DLG2: variants seen among roughly 807,000 people sequenced by gnomAD.
DLG2 encodes the protein discs large MAGUK scaffold protein 2, also known as disks large homolog 2.
DLG2 carries 45 observed loss-of-function variants against 132.5 expected under a neutral mutation model. The ratio of observed to expected loss-of-function variants is 0.34; its 90% CI spans 0.27 to 0.44. DLG2 has a LOEUF of 0.44. Among genes scored for constraint, DLG2 ranks in the 20% least tolerant of loss-of-function variants. DLG2 has a pLI of 1.00. For missense variants in DLG2, 1,045 were observed against 1,196.9 expected (o/e 0.87, Z 1.87); for synonymous variants, 424 against 419.6 (o/e 1.01, Z -0.13).
At chr11:84,120,459 T>C (rs1204402921) in intron 9 of DLG2, among the ~76,000 whole-genome samples, 2 of 152,174 alleles carry the variant, frequency 1.3e-5, no homozygotes, top group Non-Finnish European at 2.9e-5. Context: ...TTAAAGTTGT[T>C]CTTCACAATG....
chr11:83,620,869 C>CAAA (rs56868518), intron 19 of DLG2, among the ~76,000 whole-genome samples: 11,945 of 57,012 alleles, frequency 0.21, 2,079 homozygotes, highest in Non-Finnish European at 0.25. Flanking sequence ...GACTCCGTCT[C>CAAA]AAAAAAAAAA....
chr11:84,336,662 GC>G (rs1295935589), intron 7 of DLG2, among the ~76,000 whole-genome samples: 4 of 152,130 alleles, frequency 2.6e-5, no homozygotes, highest in African/African-American at 9.7e-5. Flanking sequence ...TAAGCCACAA[GC>G]CAGCAACCAC....
intron 7 of DLG2, among the ~76,000 whole-genome samples, chr11:84,445,776 T>C (rs1014614856): frequency 7.3e-5 from 11 of 151,434 alleles, no homozygotes; most frequent in East Asian, 1.9e-4. Context: ...ATTAGCCGGG[T>C]GTGGTAGCGG....
chr11:85,520,005 A>C (rs1253314883), intron 3 of DLG2, among the ~76,000 whole-genome samples: 2 of 151,916 alleles, frequency 1.3e-5, no homozygotes, highest in African/African-American at 4.8e-5. Context: ...GGTATGTCTT[A>C]TCAGCAGCAT....
At chr11:85,217,162 T>C (rs1412227431) in intron 4 of DLG2, among the ~76,000 whole-genome samples, 1 of 151,988 alleles carries the variant, frequency 6.6e-6, no homozygotes, top group African/African-American at 2.4e-5. Flanking sequence ...AAGATAAAAT[T>C]ATAATTTTTT....
chr11:84,423,646 G>A lies in DLG2; in HGVS notation c.519+110924C>T, dbSNP rs1601862558. 2.6e-5 allele frequency among the ~76,000 whole-genome samples: 4 copies of A among 152,178 alleles called. No individual in the cohort carries two copies. The South Asian group carries it at 8.3e-4, about 32-fold the overall frequency. Reference sequence around the variant, plus strand: ...TTCACCATCACATCCCAGCTTCTCAGCATACTGTGAGGTAGCTCTTAAATG... The same window carrying A: ...TTCACCATCACATCCCAGCTTCTCAACATACTGTGAGGTAGCTCTTAAATG... On this transcript the variant is annotated intron_variant, in intron 7 of 27. Transcript: ENST00000376104.
At chr11:83,479,364 C>T (rs1398351222) in intron 22 of DLG2, among the ~76,000 whole-genome samples, 1 of 133,970 alleles carries the variant, frequency 7.5e-6, no homozygotes, top group Non-Finnish European at 1.6e-5. Context: ...TGTAAAGTAC[C>T]ATGCTATAAC....
chr11:84,909,933 A>G (rs1187618297), intron 6 of DLG2, among the ~76,000 whole-genome samples: 1 of 152,182 alleles, frequency 6.6e-6, no homozygotes, highest in East Asian at 1.9e-4. Flanking sequence ...GGCTCTGCAG[A>G]TTGTGCTGCA....
At chr11:84,175,319 GTTTC>G (rs2095931085) in intron 8 of DLG2, among the ~76,000 whole-genome samples, 1 of 151,988 alleles carries the variant, frequency 6.6e-6, no homozygotes, top group African/African-American at 2.4e-5. Context: ...TTAAATTTGT[GTTTC>G]TTTTATGGCA....
intron 6 of DLG2, among the ~76,000 whole-genome samples, chr11:84,600,965 A>T (rs76467469): frequency 6.6e-6 from 1 of 152,312 alleles, no homozygotes; most frequent in East Asian, 1.9e-4. Flanking sequence ...ACACAAGGTA[A>T]AAATAAAAGC....
intron 3 of DLG2, among the ~76,000 whole-genome samples, chr11:85,583,126 G>GTATA (rs1163054982): frequency 7.0e-4 from 24 of 34,288 alleles, no homozygotes; most frequent in South Asian, 3.2e-3. Flanking sequence ...GTGTGTGTGT[G>GTATA]TGTGTATATA....
chr11:83,811,877 G>A (rs1209207961), intron 17 of DLG2, among the ~76,000 whole-genome samples: 1 of 152,094 alleles, frequency 6.6e-6, no homozygotes, highest in African/African-American at 2.4e-5. Context: ...GAGAAAGAGA[G>A]CCCTATTTTT....
intron 7 of DLG2, among the ~76,000 whole-genome samples, chr11:84,396,272 C>T (rs190334570): frequency 2.6e-5 from 4 of 152,162 alleles, no homozygotes; most frequent in African/African-American, 7.2e-5. Context: ...AAGTACTGTA[C>T]TAGGTTTATA....
At chr11:83,711,253 C>T (rs965558560) in intron 18 of DLG2, among the ~76,000 whole-genome samples, 6 of 152,192 alleles carry the variant, frequency 3.9e-5, no homozygotes, top group Non-Finnish European at 7.4e-5. Flanking sequence ...GGGACAATCA[C>T]ATGGGATAGG....
intron 7 of DLG2, among the ~76,000 whole-genome samples, chr11:84,317,748 C>A (rs2098375603): frequency 6.6e-6 from 1 of 152,046 alleles, no homozygotes; most frequent in Admixed American, 6.6e-5. Context: ...AAGACACAGA[C>A]CCAGTCATGA....
chr11:83,968,304 A>C (rs2090636502), intron 12 of DLG2, among the ~76,000 whole-genome samples: 1 of 152,138 alleles, frequency 6.6e-6, no homozygotes, highest in Non-Finnish European at 1.5e-5. Context: ...GGAACTGGAG[A>C]GAATTGAACC....
intron 18 of DLG2, among the ~76,000 whole-genome samples, chr11:83,650,306 A>C (rs2069787232): frequency 1.3e-5 from 2 of 152,188 alleles, no homozygotes; most frequent in Non-Finnish European, 2.9e-5. Flanking sequence ...ACACAGGTCC[A>C]TGTAAGAGGT....
chr11:83,999,496 C>T (rs578098940), intron 11 of DLG2, among the ~76,000 whole-genome samples: 7 of 152,128 alleles, frequency 4.6e-5, no homozygotes, highest in Non-Finnish European at 8.8e-5. Flanking sequence ...AACCTGCCCA[C>T]CTGCCTGGCT....
intron 10 of DLG2, among the ~76,000 whole-genome samples, chr11:84,068,570 G>C (rs1477398084): frequency 2.0e-5 from 3 of 152,046 alleles, no homozygotes; most frequent in African/African-American, 7.2e-5. Flanking sequence ...AGGACAATCA[G>C]TTGAATTTCA....
Sources: allele counts gnomAD v4.1 joint callset (sites outside exome capture counted in the v4.1 genomes callset), GRCh38; gene constraint gnomAD v4.1.1; transcripts MANE v1.5; gene names NCBI Gene and HGNC (gene_info 2026-07-23, HGNC 2026-07-21).